CERS3: variants seen among roughly 807,000 people sequenced by gnomAD.
The protein encoded by CERS3 is ceramide synthase 3, also known as LAG1 homolog, ceramide synthase 3.
A neutral mutation model predicts 50.3 loss-of-function variants in CERS3; 33 were observed. The ratio of observed to expected loss-of-function variants is 0.66; its 90% confidence interval spans 0.50 to 0.88. The LOEUF (loss-of-function observed/expected upper bound fraction) is 0.88. CERS3 is among the 40% of genes least tolerant of loss of function. The pLI, the probability that CERS3 is intolerant of heterozygous loss-of-function variation, is 0.00. For synonymous variants in CERS3, 176 were observed against 155.2 expected, an observed-to-expected ratio of 1.13 and a Z score of -0.99; for missense variants, 470 against 460.3, an observed-to-expected ratio of 1.02 and a Z score of -0.19.
intron 11 of CERS3, among the ~76,000 whole-genome samples, chr15:100,443,144 C>T (rs1416439344): frequency 5.3e-5 from 8 of 150,556 alleles, no homozygotes; most frequent in African/African-American, 1.9e-4. Flanking sequence ...TCCAAAGCCT[C>T]CTTTGCGTCC....
At chr15:100,413,685 A>G (rs1221548983) in intron 11 of CERS3, among the ~76,000 whole-genome samples, 1 of 151,964 alleles carries the variant, frequency 6.6e-6, no homozygotes, top group Non-Finnish European at 1.5e-5. Flanking sequence ...GCATGTGGGG[A>G]AAAAGAAACA....
chr15:100,464,532 C>T (rs1294329010), intron 10 of CERS3, among the ~76,000 whole-genome samples: 1 of 152,184 alleles, frequency 6.6e-6, no homozygotes, highest in Non-Finnish European at 1.5e-5. Context: ...GGTGGACCTA[C>T]CTGCGTGGAA....
At chr15:100,464,443 C>G (rs572759293) in intron 10 of CERS3, among the ~76,000 whole-genome samples, 1 of 152,178 alleles carries the variant, frequency 6.6e-6, no homozygotes, top group African/African-American at 2.4e-5. Flanking sequence ...CACCCTGCCC[C>G]CTGCACACTC....
rs749483504 is a variant in CERS3, at chr15:100,455,907, A to G, written c.985T>C (p.Cys329Arg). 1 of 1,610,842 alleles carries G rather than the reference A, an allele frequency of 6.2e-7. No individual in the cohort carries two copies. The highest frequency in any genetic ancestry group is 8.5e-7 in the Non-Finnish European group (1 of 1,178,568). ...GYYILKMLNR[C>R]IFMKSIQDVR... ...ACAGCCCTTACCTTCATGAATATAC[A>G]TCTGTTGAGCATCTTCAAGATGTAA... Residue 329 changes from cysteine to arginine, a missense_variant, in exon 11 of 12, where the codon TGT (cysteine) becomes CGT (arginine). Transcript: ENST00000679737.
chr15:100,448,242 G>C (rs969938626), intron 11 of CERS3, among the ~76,000 whole-genome samples: 4 of 152,108 alleles, frequency 2.6e-5, no homozygotes, highest in African/African-American at 9.7e-5. Flanking sequence ...CTCCACAGAG[G>C]AACCAAATAG....
At chr15:100,464,623 TC>T (rs1378233552) in intron 10 of CERS3, among the ~76,000 whole-genome samples, 1 of 152,230 alleles carries the variant, frequency 6.6e-6, no homozygotes, top group Non-Finnish European at 1.5e-5. Context: ...GAAAGGTCTT[TC>T]TAGCCTAATA....
At chr15:100,418,455 T>C (rs1360375693) in intron 11 of CERS3, among the ~76,000 whole-genome samples, 43 of 149,704 alleles carry the variant, frequency 2.9e-4, no homozygotes, top group East Asian at 5.9e-4. Flanking sequence ...CTACGTCTGA[T>C]TGGTGTACCT....
intron 10 of CERS3, among the ~76,000 whole-genome samples, chr15:100,464,337 T>A (rs2034644128): frequency 6.6e-6 from 1 of 152,256 alleles, no homozygotes; most frequent in Non-Finnish European, 1.5e-5. Context: ...TACTGCCTTA[T>A]ATAATGCACT....
chr15:100,465,527 G>C (rs1461317074), intron 10 of CERS3, among the ~76,000 whole-genome samples: 1 of 152,214 alleles, frequency 6.6e-6, no homozygotes, highest in Non-Finnish European at 1.5e-5. Flanking sequence ...TTCCTTCAGA[G>C]ACCATTGAAA....
intron 3 of CERS3, among the ~76,000 whole-genome samples, chr15:100,497,896 C>T (rs541603236): frequency 0.15 from 9,494 of 62,916 alleles, 902 homozygotes; most frequent in African/African-American, 0.23. Context: ...CACACACACA[C>T]TTTTTTTTTT....
chr15:100,534,804 A>C (rs1019107405), intron 1 of CERS3, among the ~76,000 whole-genome samples: 4 of 151,924 alleles, frequency 2.6e-5, no homozygotes, highest in African/African-American at 9.7e-5. Context: ...TATAATCATA[A>C]TCACAGCTAA....
intron 3 of CERS3, among the ~76,000 whole-genome samples, chr15:100,495,175 G>A (rs1421671407): frequency 1.3e-5 from 2 of 152,318 alleles, no homozygotes; most frequent in East Asian, 3.9e-4. Context: ...CTTTGAAGGA[G>A]CTTCTACTCT....
At chr15:100,529,777 T>C (rs1355632635), upstream of CERS3, among the ~76,000 whole-genome samples, 2 of 152,334 alleles carry the variant, frequency 1.3e-5, no homozygotes, top group African/African-American at 4.8e-5. Context: ...TTCCTGTATC[T>C]CTCACAAACC....
At chr15:100,405,249 C>CAAA (rs945329307) in intron 11 of CERS3, among the ~76,000 whole-genome samples, 1 of 39,162 alleles carries the variant, frequency 2.6e-5, no homozygotes, top group African/African-American at 8.8e-5. Context: ...AAAAAAAAAA[C>CAAA]AAAAAAAAAC....
intron 11 of CERS3, among the ~76,000 whole-genome samples, chr15:100,421,226 T>C (rs1257810899): frequency 6.6e-6 from 1 of 150,820 alleles, no homozygotes; most frequent in Non-Finnish European, 1.5e-5. Context: ...ATAAGCAACT[T>C]CAGCAAAGTC....
intron 11 of CERS3, among the ~76,000 whole-genome samples, 176 bp from the exon 12 acceptor site, chr15:100,403,041 T>C (rs1421222801): frequency 1.3e-5 from 2 of 152,160 alleles, no homozygotes; most frequent in South Asian, 4.1e-4. Flanking sequence ...TTAACAAACC[T>C]AAATAATTGA....
intron 11 of CERS3, among the ~76,000 whole-genome samples, chr15:100,441,020 C>T (rs1435322499): frequency 6.6e-6 from 1 of 152,184 alleles, no homozygotes; most frequent in African/African-American, 2.4e-5. Context: ...TCAAAGGTGT[C>T]AGACCACGCA....
At chr15:100,417,421 T>A (rs12909504) in intron 11 of CERS3, among the ~76,000 whole-genome samples, 5 of 151,658 alleles carry the variant, frequency 3.3e-5, no homozygotes, top group Non-Finnish European at 7.4e-5. Context: ...CACCTGGCTC[T>A]GAGGGTCCTA....
chr15:100,410,923 C>T lies in CERS3; in HGVS notation c.1000-8058G>A, dbSNP rs142246467. Among the ~76,000 whole-genome samples, 661 of 152,268 alleles carry T rather than the reference C, an allele frequency of 4.3e-3. 5 individuals carry two copies. Among genetic ancestry groups the T allele is most frequent in the African/African-American group, 0.015 (603 of 41,556 alleles). On this transcript the variant is annotated intron_variant, in intron 11 of 11. Transcript: ENST00000679737. ...CACCATCCATTCCCATAGCTCTTTT[C>T]ATCTTGTGAAACAGAAATTCTGTAC...
Sources: allele counts gnomAD v4.1 joint callset (sites outside exome capture counted in the v4.1 genomes callset), GRCh38; gene constraint gnomAD v4.1.1; transcripts MANE v1.5; gene names NCBI Gene and HGNC (gene_info 2026-07-23, HGNC 2026-07-21).